Variants in ZNF420 observed in about 807,000 individuals in gnomAD.
ZNF420 encodes ATM and p53-associated KZNF protein.
ZNF420 carries 31 observed loss-of-function variants against 44.7 expected under a neutral mutation model. The observed-to-expected ratio is 0.69, with a 90% confidence interval of 0.52 to 0.94. ZNF420 has a LOEUF of 0.94. Among genes scored for constraint, ZNF420 ranks in the 40% least tolerant of loss-of-function variants. The pLI, the probability that ZNF420 is intolerant of heterozygous loss-of-function variation, is 0.00. For synonymous variants in ZNF420, 245 were observed against 267.4 expected (o/e 0.92, Z 0.82); for missense variants, 681 against 827.9 (o/e 0.82, Z 2.18).
At chr19:37,021,465 C>G (rs541063919) in intron 1 of ZNF420, among the ~76,000 whole-genome samples, 2 of 152,100 alleles carry the variant, frequency 1.3e-5, no homozygotes, top group East Asian at 3.9e-4. Flanking sequence ...TGGGGTGTCT[C>G]CATGTTGGTC....
chr19:37,109,121 T>G (rs1216405971), intron 4 of ZNF420, among the ~76,000 whole-genome samples: 2 of 152,240 alleles, frequency 1.3e-5, no homozygotes, highest in Admixed American at 6.5e-5. Context: ...CAACCAATTT[T>G]GGATTGTAGG....
At chr19:37,023,327 T>C (rs2074663244) in intron 1 of ZNF420, among the ~76,000 whole-genome samples, 1 of 152,188 alleles carries the variant, frequency 6.6e-6, no homozygotes, top group Non-Finnish European at 1.5e-5. Context: ...GGTTCGATAA[T>C]GCAAAAATAG....
At chr19:37,073,751 G>GA (rs71177422), upstream of ZNF420, among the ~76,000 whole-genome samples, 23,322 of 100,754 alleles carry the variant, frequency 0.23, 2,014 homozygotes, top group South Asian at 0.32. Context: ...CCTGAAAAAA[G>GA]AAAAAAAAAA....
chr19:37,016,440 C>T (rs762381985), intron 1 of ZNF420, among the ~76,000 whole-genome samples: 4 of 152,180 alleles, frequency 2.6e-5, no homozygotes, highest in African/African-American at 9.6e-5. Flanking sequence ...AATCCCTGAA[C>T]GGGGCTTGGA....
At chr19:37,020,033 C>T (rs535981636) in intron 1 of ZNF420, among the ~76,000 whole-genome samples, 10 of 151,870 alleles carry the variant, frequency 6.6e-5, no homozygotes, top group East Asian at 3.9e-4. Context: ...CTGGCTAACC[C>T]GGTGAAACCC....
chr19:37,118,922 A>C (rs1352557553), intron 4 of ZNF420, among the ~76,000 whole-genome samples: 1 of 152,252 alleles, frequency 6.6e-6, no homozygotes, highest in Non-Finnish European at 1.5e-5. Context: ...AGAGCTAACT[A>C]TCCTAAATAT....
chr19:37,020,475 A>G lies in ZNF420; in HGVS notation c.-125+12393A>G, dbSNP rs972790151. Among the ~76,000 whole-genome samples the G allele has an allele frequency of 5.7e-4, 87 of 152,304 alleles. 2 individuals are homozygous for G. The highest frequency in any genetic ancestry group is 2.1e-4 in the South Asian group (1 of 4,826). The stretch of plus-strand genomic sequence containing the variant: ...AACCCTTAAATATCCTTATTCTGTA[A>G]GAGAGAACATGCCTGGCCTAAATCG... On this transcript the variant is annotated intron_variant, in intron 1 of 4. Coordinates refer to the ZNF420 transcript ENST00000587029.
chr19:37,068,810 G>A (rs1295648736), intron 1 of ZNF420, among the ~76,000 whole-genome samples: 1 of 152,134 alleles, frequency 6.6e-6, no homozygotes, highest in Non-Finnish European at 1.5e-5. Context: ...TCAAATGAAA[G>A]CTAGTGTTGT....
intron 1 of ZNF420, among the ~76,000 whole-genome samples, chr19:37,029,332 C>G (rs968316563): frequency 6.6e-6 from 1 of 152,160 alleles, no homozygotes; most frequent in Non-Finnish European, 1.5e-5. Flanking sequence ...ATGGGAAATG[C>G]AAAGTCCTAA....
chr19:37,055,406 C>T (rs1409404366), intron 1 of ZNF420, among the ~76,000 whole-genome samples: 1 of 152,154 alleles, frequency 6.6e-6, no homozygotes, highest in Non-Finnish European at 1.5e-5. Flanking sequence ...CCTCCTCCAC[C>T]GGTAAAAGTC....
chr19:37,113,632 T>C (rs915702380), intron 4 of ZNF420, among the ~76,000 whole-genome samples: 1 of 152,210 alleles, frequency 6.6e-6, no homozygotes, highest in African/African-American at 2.4e-5. Context: ...CGCCTTGTCT[T>C]ATTGTATTGA....
chr19:37,106,237 T>A (rs1970077159), intron 4 of ZNF420, among the ~76,000 whole-genome samples: 1 of 152,216 alleles, frequency 6.6e-6, no homozygotes, highest in African/African-American at 2.4e-5. Context: ...GGCTGTTGAA[T>A]TTTGTCAAAG....
chr19:37,074,104 CATT>C, upstream of ZNF420, among the ~76,000 whole-genome samples: 1 of 152,284 alleles, frequency 6.6e-6, no homozygotes. Context: ...AGACAAGAAT[CATT>C]AATGATTATT....
intron 1 of ZNF420, among the ~76,000 whole-genome samples, chr19:37,042,894 A>T (rs1967481410): frequency 6.6e-6 from 1 of 152,228 alleles, no homozygotes; most frequent in African/African-American, 2.4e-5. Context: ...GAACACTAAG[A>T]GGCCATTTGA....
At chr19:37,067,682 C>A (rs948604930) in intron 1 of ZNF420, among the ~76,000 whole-genome samples, 2 of 152,044 alleles carry the variant, frequency 1.3e-5, no homozygotes, top group African/African-American at 4.8e-5. Flanking sequence ...AACAATAGAT[C>A]CTCACTGAAG....
At chr19:37,112,544 G>C (rs112953062) in intron 4 of ZNF420, among the ~76,000 whole-genome samples, 2,934 of 152,240 alleles carry the variant, frequency 0.019, 78 homozygotes, top group East Asian at 0.049. Context: ...GACATCTGCT[G>C]CAGTGTCTAC....
In ZNF420 at chr19:37,012,764, CTCTGTGTGTGTGTGTGTGTGTGTGTG is replaced by C. The variant is rs1230325275; in HGVS notation, c.-125+4684_-125+4709del. Among the ~76,000 whole-genome samples, 79 of 132,368 alleles carry C rather than the reference CTCTGTGTGTGTGTGTGTGTGTGTGTG, an allele frequency of 6.0e-4. No individual in the cohort carries two copies. In the Middle Eastern group the frequency reaches 0.011, roughly 19 times the overall value. 86.8% of individuals were successfully genotyped at this position (132,368 alleles called of 152,430 possible). ...GTGCTTCTGTGCCACTGCTATATGT[CTCTGTGTGTGTGTGTGTGTGTGTGTG>C]TGTGTGTGTGTGTGTGTGTGTGTCT... On this transcript the variant is annotated intron_variant, in intron 1 of 4. Transcript: ENST00000587029.
intron 4 of ZNF420, among the ~76,000 whole-genome samples, chr19:37,104,835 C>T (rs184638695): frequency 4.6e-4 from 70 of 152,192 alleles, no homozygotes; most frequent in East Asian, 1.5e-3. Context: ...TATCCTTTGC[C>T]GACTTTTTGA....
chr19:37,119,347 T>A (rs1970886873), intron 4 of ZNF420, among the ~76,000 whole-genome samples: 1 of 152,182 alleles, frequency 6.6e-6, no homozygotes, highest in Non-Finnish European at 1.5e-5. Context: ...ACATGGAAAC[T>A]GAACAACCTG....
Sources: gnomAD v4.1 joint callset for allele counts (sites outside exome capture counted in the v4.1 genomes callset) on GRCh38, gnomAD v4.1.1 for gene constraint, MANE v1.5 for transcripts, NCBI Gene and HGNC (gene_info 2026-07-23, HGNC 2026-07-21) for gene names.